NRXN3: variants seen among roughly 807,000 people sequenced by gnomAD.
The protein encoded by NRXN3 is neurexin 3, also known as neurexin III.
A neutral mutation model predicts 137.6 loss-of-function variants in NRXN3; 32 were observed. The ratio of observed to expected loss-of-function variants is 0.23; its 90% CI spans 0.18 to 0.31. The LOEUF is 0.31. Ranked by LOEUF, NRXN3 falls within the 10% of genes least tolerant of loss-of-function variation. The probability of loss-of-function intolerance (pLI) is 1.00; values close to 1 mark genes in which losing one functional copy is unlikely to be tolerated. For missense variants in NRXN3, 1,574 were observed against 2,062.5 expected, an observed-to-expected ratio of 0.76 and a Z score of 4.59; for synonymous variants, 798 against 784.5, an observed-to-expected ratio of 1.02 and a Z score of -0.29.
At chr14:79,412,759 G>T (rs1004390384) in intron 15 of NRXN3, among the ~76,000 whole-genome samples, 1 of 135,244 alleles carries the variant, frequency 7.4e-6, no homozygotes, top group African/African-American at 2.7e-5. Context: ...CTCCAGCCTG[G>T]GTGACAGAGC....
At chr14:79,167,026 G>A (rs1005105179) in intron 15 of NRXN3, among the ~76,000 whole-genome samples, 1 of 151,906 alleles carries the variant, frequency 6.6e-6, no homozygotes. Flanking sequence ...AATGCAGTGA[G>A]ATACTAAGAA....
intron 15 of NRXN3, among the ~76,000 whole-genome samples, chr14:79,029,079 A>G (rs191650722): frequency 9.2e-5 from 14 of 152,074 alleles, no homozygotes; most frequent in Admixed American, 3.3e-4. Context: ...AGAAAAAGAG[A>G]GAGAGGAAGA....
intron 8 of NRXN3, among the ~76,000 whole-genome samples, chr14:78,751,759 G>A (rs915745498): frequency 1.3e-5 from 2 of 152,180 alleles, no homozygotes; most frequent in African/African-American, 2.4e-5. Context: ...TCCATAGACC[G>A]TGACCTTGCC....
chr14:78,450,321 G>C (rs1205630147), intron 4 of NRXN3, among the ~76,000 whole-genome samples: 1 of 152,134 alleles, frequency 6.6e-6, no homozygotes, highest in Non-Finnish European at 1.5e-5. Context: ...ACATTACAAA[G>C]TGGAAAAAAA....
At chr14:78,319,181 T>TGG in intron 4 of NRXN3, among the ~76,000 whole-genome samples, 2 of 152,324 alleles carry the variant, frequency 1.3e-5, no homozygotes, top group East Asian at 3.9e-4. Flanking sequence ...ATGGGAGAGC[T>TGG]GGGACTCAGA....
At chr14:78,804,622 GA>G (rs1004293240) in intron 9 of NRXN3, among the ~76,000 whole-genome samples, 7 of 151,994 alleles carry the variant, frequency 4.6e-5, no homozygotes, top group Non-Finnish European at 8.8e-5. Flanking sequence ...GGCTTTATTG[GA>G]ATAGGATTTT....
chr14:79,640,386 T>C (rs1292733617), intron 16 of NRXN3, among the ~76,000 whole-genome samples: 1 of 135,946 alleles, frequency 7.4e-6, no homozygotes, highest in East Asian at 2.0e-4. Context: ...ATAAGGTTTT[T>C]GCTCAAACAA....
chr14:79,208,995 G>A (rs1187440860), intron 15 of NRXN3, among the ~76,000 whole-genome samples: 3 of 152,162 alleles, frequency 2.0e-5, no homozygotes, highest in Non-Finnish European at 4.4e-5. Context: ...CTGGAGTGCA[G>A]TGGTGTGATC....
chr14:78,956,500 A>G (rs1311014302), intron 10 of NRXN3, among the ~76,000 whole-genome samples: 3 of 152,112 alleles, frequency 2.0e-5, no homozygotes, highest in East Asian at 1.9e-4. Flanking sequence ...TCCTCTATTT[A>G]GTGGCACTTT....
chr14:78,508,715 A>G (rs368907251), intron 4 of NRXN3, among the ~76,000 whole-genome samples: 9 of 152,194 alleles, frequency 5.9e-5, no homozygotes, highest in Admixed American at 3.9e-4. Context: ...ATGTATCAAA[A>G]GGCCCTTAGA....
chr14:78,562,557 G>A (rs1419448546), intron 4 of NRXN3, among the ~76,000 whole-genome samples: 1 of 152,102 alleles, frequency 6.6e-6, no homozygotes, highest in Non-Finnish European at 1.5e-5. Context: ...AAGCCCAAGT[G>A]TGGTGGAGAG....
chr14:78,799,488 A>G (rs1273989396), intron 8 of NRXN3, among the ~76,000 whole-genome samples: 1 of 152,132 alleles, frequency 6.6e-6, no homozygotes, highest in African/African-American at 2.4e-5. Context: ...AAACTTTCCC[A>G]TGTTTTTCTG....
chr14:78,967,511 A>G (rs1598013578), intron 13 of NRXN3, 113 bp downstream of exon 13: 4 of 729,248 alleles, frequency 5.5e-6, no homozygotes, highest in East Asian at 5.4e-5. Context: ...TACATCATCC[A>G]TATCCTGTTT....
At chr14:79,226,193 T>C (rs1390569700) in intron 15 of NRXN3, among the ~76,000 whole-genome samples, 1 of 152,136 alleles carries the variant, frequency 6.6e-6, no homozygotes, top group Non-Finnish European at 1.5e-5. Context: ...AAGGAGAAAC[T>C]GAACTGTGAG....
At chr14:79,126,052 A>T (rs1265449768) in intron 15 of NRXN3, among the ~76,000 whole-genome samples, 1 of 152,138 alleles carries the variant, frequency 6.6e-6, no homozygotes, top group Non-Finnish European at 1.5e-5. Context: ...GTACCTAAAA[A>T]ATTGAACACA....
chr14:78,466,823 A>G (rs2095120230), intron 4 of NRXN3, among the ~76,000 whole-genome samples: 2 of 152,224 alleles, frequency 1.3e-5, no homozygotes, highest in South Asian at 4.1e-4. Flanking sequence ...TACGGTGTGA[A>G]CATGAGGATA....
At chr14:78,781,637 G>A (rs777400046) in intron 8 of NRXN3, among the ~76,000 whole-genome samples, 1 of 152,138 alleles carries the variant, frequency 6.6e-6, no homozygotes. Flanking sequence ...TTGAGAAAAT[G>A]TCAAAATTGT....
chr14:79,409,362 T>A (rs1023556434), intron 15 of NRXN3, among the ~76,000 whole-genome samples: 3 of 151,542 alleles, frequency 2.0e-5, no homozygotes, highest in African/African-American at 7.3e-5. Context: ...TATGTATACA[T>A]GTGCACATGT....
chr14:79,321,863 A>C (rs569776578), intron 15 of NRXN3, among the ~76,000 whole-genome samples: 1 of 148,894 alleles, frequency 6.7e-6, no homozygotes, highest in Non-Finnish European at 1.5e-5. Flanking sequence ...TATATAAACT[A>C]TATATAAATA....
Sources: allele counts gnomAD v4.1 joint callset (sites outside exome capture counted in the v4.1 genomes callset), GRCh38; gene constraint gnomAD v4.1.1; transcripts MANE v1.5; gene names NCBI Gene and HGNC (gene_info 2026-07-23, HGNC 2026-07-21).